SACM1L: variants seen among roughly 807,000 people sequenced by gnomAD.
SACM1L encodes SAC1 like phosphatidylinositide phosphatase.
SACM1L carries 32 observed loss-of-function variants against 89.5 expected under a neutral mutation model. The ratio of observed to expected loss-of-function variants is 0.36; its 90% CI spans 0.27 to 0.48. The LOEUF is 0.48. Ranked by LOEUF, SACM1L falls within the 20% of genes least tolerant of loss-of-function variation. The pLI is 0.99. For missense variants in SACM1L, 543 were observed against 708.5 expected, an observed-to-expected ratio of 0.77 and a Z score of 2.65; for synonymous variants, 213 against 232.8, an observed-to-expected ratio of 0.92 and a Z score of 0.77.
At chr3:45,722,183 GT>G in intron 9 of SACM1L, 98 bp downstream of exon 9, 1 of 735,648 alleles carries the variant, frequency 1.4e-6, no homozygotes, top group South Asian at 1.9e-5. Flanking sequence ...TCCCTTCTCT[GT>G]TCTTATGTAA....
Position 45,723,470 on chromosome 3 carries a change from T to C in SACM1L, c.853-5T>C, listed in dbSNP as rs775013126. 7.0e-7 allele frequency: 1 copy of C among 1,424,464 alleles called. No individual in the cohort carries two copies. The highest frequency in any genetic ancestry group is 2.6e-5 in the East Asian group (1 of 38,862). 88.2% of individuals were successfully genotyped at this position (1,424,464 alleles called of 1,614,324 possible). On this transcript the variant is annotated splice_region_variant and splice_polypyrimidine_tract_variant and intron_variant, in intron 10 of 19. Coordinates refer to ENST00000389061, the MANE Select transcript of SACM1L (RefSeq NM_014016.5). ...CAGTAAAATATGTAACTTTTTCCTC[T>C]CTAGATGGACGGTTTCCAAAGGCAT...
chr3:45,717,029 G>A (rs77686139), intron 7 of SACM1L, among the ~76,000 whole-genome samples: 4,216 of 152,234 alleles, frequency 0.028, 65 homozygotes, highest in Non-Finnish European at 0.04. Flanking sequence ...GCCCTGGCTC[G>A]AAATAGATAA....
At chr3:45,730,559 T>G (rs1699027590) in intron 11 of SACM1L, 1 of 152,254 alleles carries the variant, frequency 6.6e-6, no homozygotes, top group African/African-American at 2.4e-5. Context: ...TGCTGTATGC[T>G]GGGGCAGTCC....
Position 45,724,285 on chromosome 3 carries a change from ATTG to A in SACM1L, c.921+748_921+750del, listed in dbSNP as rs1451585193. On this transcript the variant is annotated intron_variant, in intron 11 of 19. Coordinates refer to ENST00000389061, the MANE Select transcript of SACM1L (RefSeq NM_014016.5). ...CAGTTTCTTCATATCCTTGCTGACA[ATTG>A]TTGTTTTCTGGTGTGTGTGTGTGTG... 9.1e-5 allele frequency among the ~76,000 whole-genome samples: 12 copies of A among 132,166 alleles called. No homozygotes were observed. In the East Asian group the frequency reaches 1.7e-3, roughly 18 times the overall value. 86.7% of individuals were successfully genotyped at this position (132,166 alleles called of 152,430 possible). A position where few individuals can be genotyped will look rare whatever the true frequency, so the allele number is the denominator to read the frequency against.
chr3:45,692,108 C>T (rs1162807003), intron 1 of SACM1L, among the ~76,000 whole-genome samples: 1 of 152,148 alleles, frequency 6.6e-6, no homozygotes. Flanking sequence ...TGCCTTCTTC[C>T]TCTCTGTTCT....
At chr3:45,720,347 GGTA>G (rs375247112) in intron 8 of SACM1L, among the ~76,000 whole-genome samples, 30 of 152,152 alleles carry the variant, frequency 2.0e-4, no homozygotes, top group Middle Eastern at 6.8e-3. Flanking sequence ...TTTTTGAACA[GGTA>G]GTGCATTTAC....
intron 14 of SACM1L, among the ~76,000 whole-genome samples, chr3:45,735,692 A>G (rs1170564802): frequency 1.3e-5 from 2 of 152,174 alleles, no homozygotes; most frequent in Non-Finnish European, 2.9e-5. Flanking sequence ...ATATCTGTAT[A>G]TGTTATTATT....
intron 3 of SACM1L, 141 bp downstream of exon 3, chr3:45,705,350 A>T: frequency 2.3e-6 from 1 of 436,838 alleles, no homozygotes; most frequent in East Asian, 3.6e-5. Flanking sequence ...ATTTATCATT[A>T]ATTTTTAAAA....
At chr3:45,689,518 G>A (rs535347679) in intron 1 of SACM1L, 21 bp downstream of exon 1, 11 of 1,567,446 alleles carry the variant, frequency 7.0e-6, no homozygotes, top group Admixed American at 1.9e-5. Flanking sequence ...CGGGCCAGAG[G>A]CCTGAGGCGC....
At chr3:45,708,366 T>C (rs564354463) in intron 4 of SACM1L, among the ~76,000 whole-genome samples, 6 of 152,170 alleles carry the variant, frequency 3.9e-5, no homozygotes, top group Non-Finnish European at 8.8e-5. Context: ...TTGAGAGTGA[T>C]TGTTTTCTTA....
At chr3:45,705,719 G>A (rs1483820748) in intron 3 of SACM1L, among the ~76,000 whole-genome samples, 2 of 151,962 alleles carry the variant, frequency 1.3e-5, no homozygotes, top group African/African-American at 2.4e-5. Context: ...GGTCAGGCTG[G>A]TCTTGAACTC....
chr3:45,713,317 A>C, intron 6 of SACM1L, 121 bp downstream of exon 6: 1 of 757,842 alleles, frequency 1.3e-6, no homozygotes, highest in Non-Finnish European at 2.1e-6. Context: ...TTAACTGTTT[A>C]TAACTTACAA....
intron 8 of SACM1L, among the ~76,000 whole-genome samples, chr3:45,720,919 T>TA (rs1265274982): frequency 4.6e-5 from 7 of 152,226 alleles, no homozygotes; most frequent in Admixed American, 4.6e-4. Context: ...AGTTAAAAAA[T>TA]ACATTGATTT....
At chr3:45,699,068 G>A (rs1288889003) in intron 1 of SACM1L, among the ~76,000 whole-genome samples, 1 of 152,130 alleles carries the variant, frequency 6.6e-6, no homozygotes, top group Non-Finnish European at 1.5e-5. Flanking sequence ...TCTGCGCCTG[G>A]CCTGTAATAC....
intron 4 of SACM1L, among the ~76,000 whole-genome samples, chr3:45,708,197 A>G (rs1273354688): frequency 6.6e-6 from 1 of 152,188 alleles, no homozygotes; most frequent in Non-Finnish European, 1.5e-5. Flanking sequence ...TAATTTTTAC[A>G]TTCCCACTTT....
At chr3:45,737,243 G>A (rs1699221792) in intron 14 of SACM1L, 1 of 268,240 alleles carries the variant, frequency 3.7e-6, no homozygotes, top group Non-Finnish European at 6.9e-6. Flanking sequence ...GGTAGAGGCA[G>A]TAGAAGACTG....
In SACM1L at chr3:45,743,861, A is replaced by G; in HGVS notation, c.*192A>G. 1 of 454,812 alleles carries G rather than the reference A, an allele frequency of 2.2e-6. No homozygotes were observed. Among genetic ancestry groups the G allele is most frequent in the South Asian group, 6.3e-5 (1 of 15,806 alleles). 28.2% of individuals were successfully genotyped at this position (454,812 alleles called of 1,614,324 possible). On this transcript the variant is annotated 3_prime_UTR_variant, in exon 20 of 20. Coordinates refer to ENST00000389061, the MANE Select transcript of SACM1L (RefSeq NM_014016.5). ...CCTTGATGGTCTCTTTACTATTGGG[A>G]CAGTTAGATTTATAATTTGAAGCTA...
intron 1 of SACM1L, among the ~76,000 whole-genome samples, chr3:45,691,596 T>A (rs1407042916): frequency 2.7e-5 from 3 of 110,224 alleles, no homozygotes; most frequent in African/African-American, 9.9e-5. Flanking sequence ...GTTGAAATGC[T>A]TGTTTTTTTT....
At chr3:45,728,263 G>T (rs1698970746) in intron 11 of SACM1L, among the ~76,000 whole-genome samples, 1 of 152,122 alleles carries the variant, frequency 6.6e-6, no homozygotes, top group African/African-American at 2.4e-5. Context: ...TTTTACTGGA[G>T]AGTTAATCCA....
Sources: allele counts gnomAD v4.1 joint callset (sites outside exome capture counted in the v4.1 genomes callset), GRCh38; gene constraint gnomAD v4.1.1; transcripts MANE v1.5; gene names NCBI Gene and HGNC (gene_info 2026-07-23, HGNC 2026-07-21).